Variants in SEMA3E observed in about 807,000 individuals in gnomAD.
SEMA3E encodes semaphorin-3E.
A neutral mutation model predicts 93.6 loss-of-function variants in SEMA3E; 49 were observed. That is an observed-to-expected ratio of 0.52 (90% CI 0.42 to 0.66). The LOEUF is 0.66. Ranked by LOEUF, SEMA3E falls within the 30% of genes least tolerant of loss-of-function variation. The pLI is 0.00. For synonymous variants in SEMA3E, 363 were observed against 330.7 expected, an observed-to-expected ratio of 1.10 and a Z score of -1.06; for missense variants, 906 against 964.8, an observed-to-expected ratio of 0.94 and a Z score of 0.81.
At chr7:83,609,213 G>A (rs1793194433) in intron 1 of SEMA3E, among the ~76,000 whole-genome samples, 1 of 151,958 alleles carries the variant, frequency 6.6e-6, no homozygotes, top group African/African-American at 2.4e-5. Flanking sequence ...TTGAAACAGT[G>A]TATGTCAGTC....
In SEMA3E at chr7:83,400,017, C is replaced by G. The variant is rs369202554; in HGVS notation, c.1366+11G>C. On this transcript the variant is annotated intron_variant, in intron 11 of 16. Transcript: ENST00000643230. ...ATTTAAATATCTCTGAGTACTTTCTCGTCTCTTTACCTGTCCCAATAAACA... is the reference window on the plus strand; with the variant it reads ...ATTTAAATATCTCTGAGTACTTTCTGGTCTCTTTACCTGTCCCAATAAACA... 1 of 1,583,482 alleles carries G rather than the reference C, an allele frequency of 6.3e-7. No individual in the cohort carries two copies. Among genetic ancestry groups the G allele is most frequent in the Non-Finnish European group, 8.7e-7 (1 of 1,152,376 alleles).
chr7:83,531,939 C>T (rs1030370273), intron 1 of SEMA3E, among the ~76,000 whole-genome samples: 1 of 152,146 alleles, frequency 6.6e-6, no homozygotes, highest in South Asian at 2.1e-4. Context: ...TTGCATTCAA[C>T]TATTCCATAT....
intron 4 of SEMA3E, among the ~76,000 whole-genome samples, chr7:83,427,492 A>T (rs1475986034): frequency 6.6e-6 from 1 of 152,176 alleles, no homozygotes; most frequent in Non-Finnish European, 1.5e-5. Context: ...TAAAGCAGAA[A>T]AAAGGAAGAA....
intron 1 of SEMA3E, chr7:83,612,659 T>G (rs1793289098): frequency 6.6e-6 from 1 of 152,056 alleles, no homozygotes; most frequent in Admixed American, 6.6e-5. Flanking sequence ...ATTCCTTGCT[T>G]AATTTAGCCC....
chr7:83,433,126 G>T (rs1477932697), intron 4 of SEMA3E, among the ~76,000 whole-genome samples: 1 of 151,888 alleles, frequency 6.6e-6, no homozygotes, highest in Admixed American at 6.6e-5. Context: ...CTCTGTAAAG[G>T]GGCTTTGCAC....
chr7:83,420,208 C>A (rs374491659), intron 4 of SEMA3E, among the ~76,000 whole-genome samples: 10 of 152,140 alleles, frequency 6.6e-5, no homozygotes, highest in African/African-American at 7.2e-5. Flanking sequence ...CACAATAAAA[C>A]CAGAATATCT....
chr7:83,619,898 G>T (rs1203197069), intron 1 of SEMA3E, among the ~76,000 whole-genome samples: 2 of 132,228 alleles, frequency 1.5e-5, no homozygotes, highest in African/African-American at 6.3e-5. Context: ...TAGATAGATA[G>T]ATAGACAGAT....
intron 1 of SEMA3E, among the ~76,000 whole-genome samples, chr7:83,647,133 T>C (rs1794089400): frequency 6.6e-6 from 1 of 152,108 alleles, no homozygotes; most frequent in Non-Finnish European, 1.5e-5. Context: ...TTTACCAATT[T>C]AGTATCAATG....
At chr7:83,434,533 TAACA>T (rs1319798081) in intron 4 of SEMA3E, among the ~76,000 whole-genome samples, 1 of 152,076 alleles carries the variant, frequency 6.6e-6, no homozygotes, top group African/African-American at 2.4e-5. Flanking sequence ...TTTTTAATAA[TAACA>T]AACATGCTTC....
chr7:83,613,973 C>T (rs1465192036), intron 1 of SEMA3E, among the ~76,000 whole-genome samples: 1 of 151,862 alleles, frequency 6.6e-6, no homozygotes, highest in Non-Finnish European at 1.5e-5. Flanking sequence ...AATAAAATTT[C>T]AAAAATATCA....
intron 1 of SEMA3E, among the ~76,000 whole-genome samples, chr7:83,633,032 CT>C (rs1199681291): frequency 6.6e-6 from 1 of 152,000 alleles, no homozygotes; most frequent in Non-Finnish European, 1.5e-5. Flanking sequence ...AAACTATAGT[CT>C]TTTTTTAATG....
chr7:83,518,046 T>A (rs918456604), intron 1 of SEMA3E, among the ~76,000 whole-genome samples: 5 of 152,078 alleles, frequency 3.3e-5, no homozygotes, highest in Admixed American at 1.3e-4. Context: ...TGTCTGTGTG[T>A]GGAGGGTGCA....
chr7:83,432,814 A>T (rs1323789149), intron 4 of SEMA3E, among the ~76,000 whole-genome samples: 1 of 152,192 alleles, frequency 6.6e-6, no homozygotes, highest in Non-Finnish European at 1.5e-5. Context: ...TACCAGCCAC[A>T]TGTGTGGAAC....
chr7:83,427,104 G>A (rs537103259), intron 4 of SEMA3E, among the ~76,000 whole-genome samples: 1 of 152,158 alleles, frequency 6.6e-6, no homozygotes, highest in African/African-American at 2.4e-5. Flanking sequence ...GTAATTTGAA[G>A]GTAACGTGAA....
At chr7:83,422,237 C>CACATTTGGG (rs1788681324) in intron 4 of SEMA3E, among the ~76,000 whole-genome samples, 1 of 152,068 alleles carries the variant, frequency 6.6e-6, no homozygotes, top group Admixed American at 6.6e-5. Context: ...ATGTGGCCTC[C>CACATTTGGG]TGACCCAAAG....
chr7:83,550,681 C>A (rs1259187710), intron 1 of SEMA3E, among the ~76,000 whole-genome samples: 1 of 151,972 alleles, frequency 6.6e-6, no homozygotes, highest in Non-Finnish European at 1.5e-5. Context: ...ATTATTGTAT[C>A]CATTATTTTA....
At chr7:83,552,967 A>G (rs1243685864) in intron 1 of SEMA3E, among the ~76,000 whole-genome samples, 1 of 146,950 alleles carries the variant, frequency 6.8e-6, no homozygotes, top group Non-Finnish European at 1.5e-5. Flanking sequence ...CCTCAGAAGC[A>G]TGTGATCTTT....
chr7:83,418,061 AT>A lies in SEMA3E; in HGVS notation c.550+328del, dbSNP rs1161087107. On this transcript the variant is annotated intron_variant, in intron 5 of 16. Transcript: ENST00000643230. The stretch of plus-strand genomic sequence containing the variant: ...ATGAAGAATTAACACATATATTAAA[AT>A]AGTTTCATTTCTCTGGCAAAATTTT... 2.6e-5 allele frequency among the ~76,000 whole-genome samples: 4 copies of A among 152,164 alleles called. No individual in the cohort carries two copies. In the South Asian group the frequency reaches 6.2e-4, roughly 24 times the overall value.
intron 2 of SEMA3E, among the ~76,000 whole-genome samples, chr7:83,473,483 C>T (rs900327042): frequency 1.3e-5 from 2 of 152,184 alleles, no homozygotes; most frequent in Non-Finnish European, 2.9e-5. Flanking sequence ...GAAAGATATT[C>T]TGATTATCAA....
Sources: allele counts gnomAD v4.1 joint callset (sites outside exome capture counted in the v4.1 genomes callset), GRCh38; gene constraint gnomAD v4.1.1; transcripts MANE v1.5; gene names NCBI Gene and HGNC (gene_info 2026-07-23, HGNC 2026-07-21).